Variants in GPR161 observed in about 807,000 individuals in gnomAD.
GPR161 encodes G-protein coupled receptor RE2.
GPR161 carries 25 observed loss-of-function variants against 39.2 expected under a neutral mutation model. The observed-to-expected ratio is 0.64, with a 90% CI of 0.47 to 0.89. The LOEUF (loss-of-function observed/expected upper bound fraction) is 0.89, where lower values mean the gene tolerates loss of function less well. GPR161 is among the 40% of genes least tolerant of loss of function. The probability of loss-of-function intolerance (pLI) is 0.00; values close to 1 mark genes in which losing one functional copy is unlikely to be tolerated. For synonymous variants in GPR161, 286 were observed against 276.6 expected, an observed-to-expected ratio of 1.03 and a Z score of -0.34; for missense variants, 547 against 677.8, an observed-to-expected ratio of 0.81 and a Z score of 2.14.
At position 168,081,138 on chromosome 1, in the gene GPR161, A is replaced by G. The variant is rs531899551; in HGVS notation, c.*4393T>C. 2.0e-4 allele frequency: 30 copies of G among 152,386 alleles called. No individual in the cohort carries two copies. The highest frequency in any genetic ancestry group is 6.3e-4 in the African/African-American group (26 of 41,544). The allele number at this position is 152,386 out of a possible 1,614,324, so 9.4% of individuals were successfully genotyped here. Reference sequence around the variant, plus strand: ...CTCGACCCCCCAAAGTGCTGGGATTACAGGCGTGAGCTACCACGCCCGGCT... The same window carrying G: ...CTCGACCCCCCAAAGTGCTGGGATTGCAGGCGTGAGCTACCACGCCCGGCT... On this transcript the variant is annotated 3_prime_UTR_variant, in exon 6 of 6. Coordinates refer to ENST00000682931, the MANE Select transcript of GPR161 (RefSeq NM_001375883.1).
At chr1:168,096,462 G>A (rs753193724) in intron 3 of GPR161, 46 bp downstream of exon 3, 1 of 1,577,140 alleles carries the variant, frequency 6.3e-7, no homozygotes, top group Non-Finnish European at 8.6e-7. Context: ...GAGGACCACA[G>A]ATTTCATCTG....
Position 168,082,419 on chromosome 1 carries a change from G to A in GPR161, c.*3112C>T, listed in dbSNP as rs1694143745. On this transcript the variant is annotated 3_prime_UTR_variant, in exon 6 of 6. Transcript: ENST00000682931. Reference sequence around the variant, plus strand: ...TCAGGTTCATCCTTGGCTCTGCACAGCCACACCGCTGCCACCTAGTGTCTA... The same window carrying A: ...TCAGGTTCATCCTTGGCTCTGCACAACCACACCGCTGCCACCTAGTGTCTA... The A allele has an allele frequency of 6.6e-6, 1 of 152,310 alleles. No homozygotes were observed. Among genetic ancestry groups the A allele is most frequent in the East Asian group, 1.9e-4 (1 of 5,192 alleles). The allele number at this position is 152,310 out of a possible 1,614,324, so 9.4% of individuals were successfully genotyped here.
chr1:168,103,821 C>T (rs1696334366), intron 2 of GPR161, among the ~76,000 whole-genome samples: 1 of 152,206 alleles, frequency 6.6e-6, no homozygotes. Context: ...GTGGGAAACT[C>T]GCTGCCAAAG....
intron 1 of GPR161, chr1:168,136,485 A>C: frequency 7.9e-6 from 10 of 1,262,768 alleles, no homozygotes; most frequent in Non-Finnish European, 1.0e-5. Flanking sequence ...CAGAAGCCCC[A>C]GGCCGCAGGG....
In GPR161 at chr1:168,136,036, C is replaced by G. The variant is rs541236182; in HGVS notation, c.-45+703G>C. On this transcript the variant is annotated intron_variant, in intron 1 of 5. Transcript: ENST00000682931. ...CAACAGACGTTCTCATCCCATATGC[C>G]TTTGTCCAAAGGTTGCACGGGGGTT... 91 of 1,241,408 alleles carry G rather than the reference C, an allele frequency of 7.3e-5. No individual in the cohort carries two copies. In the East Asian group the frequency reaches 2.8e-3, roughly 38 times the overall value. The allele number at this position is 1,241,408 out of a possible 1,614,324, so 76.9% of individuals were successfully genotyped here. A position where few individuals can be genotyped will look rare whatever the true frequency, so the allele number is the denominator to read the frequency against.
intron 3 of GPR161, among the ~76,000 whole-genome samples, chr1:168,095,103 CA>C (rs1695404621): frequency 6.6e-6 from 1 of 152,020 alleles, no homozygotes; most frequent in African/African-American, 2.4e-5. Context: ...GCATTTTTGC[CA>C]AAAATGGATA....
chr1:168,087,649 G>A lies in GPR161; in HGVS notation c.1260C>T (p.His420=), dbSNP rs1221380530. ...DYTSDDNPPS[H]CTCPPKRRSS... Reference sequence around the variant, plus strand: ...TCCTTCTCTTGGGTGGGCAAGTGCAGTGAGAGGGAGGGTTGTCATCAGACG... The same window carrying A: ...TCCTTCTCTTGGGTGGGCAAGTGCAATGAGAGGGAGGGTTGTCATCAGACG... The change falls in exon 5 of 6, where the codon CAC becomes CAT. Residue 420 remains histidine, a synonymous_variant. Transcript: ENST00000682931. The A allele has an allele frequency of 6.8e-6, 11 of 1,613,992 alleles. No individual in the cohort carries two copies. The highest frequency in any genetic ancestry group is 9.3e-6 in the Non-Finnish European group (11 of 1,179,858).
intron 1 of GPR161, among the ~76,000 whole-genome samples, chr1:168,124,977 T>C (rs1375122998): frequency 6.6e-6 from 1 of 152,220 alleles, no homozygotes; most frequent in African/African-American, 2.4e-5. Flanking sequence ...TTCTTTTCCT[T>C]ATAAATTACC....
At chr1:168,136,181 C>G in intron 1 of GPR161, 1 of 1,271,386 alleles carries the variant, frequency 7.9e-7, no homozygotes, top group Non-Finnish European at 9.9e-7. Flanking sequence ...CGGGCCACTT[C>G]TGGGCGCGCC....
rs935433455 is a variant in GPR161 at position 168,098,435 on chromosome 1, T to C, written c.375-1203A>G. On this transcript the variant is annotated intron_variant, in intron 2 of 5. Transcript: ENST00000682931. This position sits in a 1 kb window ranked among gnomAD's most constrained non-coding sequence, Gnocchi z 4.1. ...ACCCCGACATTTTATCCAAGGGAAA[T>C]AGGATGTTCCCATGAGGGCAACATG... Among the ~76,000 whole-genome samples, 8 of 152,106 alleles carry C rather than the reference T, an allele frequency of 5.3e-5. No homozygotes were observed. The highest frequency in any genetic ancestry group is 2.0e-4 in the Admixed American group (3 of 15,274).
At chr1:168,104,449 C>G (rs759473012) in intron 2 of GPR161, 28 bp downstream of exon 2, 1 of 1,589,824 alleles carries the variant, frequency 6.3e-7, no homozygotes, top group African/African-American at 1.3e-5. Flanking sequence ...AGTAATCCCT[C>G]AATTCTCTAA....
At chr1:168,126,408 T>C (rs1423468315) in intron 1 of GPR161, among the ~76,000 whole-genome samples, 2 of 152,224 alleles carry the variant, frequency 1.3e-5, no homozygotes, top group Non-Finnish European at 2.9e-5. Flanking sequence ...TTTTATATTT[T>C]AGTTGTCCTT....
intron 1 of GPR161, among the ~76,000 whole-genome samples, chr1:168,110,474 A>T (rs1278589800): frequency 3.4e-5 from 5 of 148,360 alleles, no homozygotes; most frequent in African/African-American, 1.0e-4. Context: ...ACTCCAGCCT[A>T]GACGACAGAG....
chr1:168,110,582 GAAA>G (rs1263305300), intron 1 of GPR161, among the ~76,000 whole-genome samples: 1 of 107,344 alleles, frequency 9.3e-6, no homozygotes, highest in African/African-American at 4.8e-5. Flanking sequence ...GAAAAGAAAA[GAAA>G]AGAAAAGAAA....
intron 1 of GPR161, among the ~76,000 whole-genome samples, chr1:168,128,099 G>A (rs549698023): frequency 5.3e-5 from 8 of 152,282 alleles, no homozygotes; most frequent in South Asian, 2.1e-4. Context: ...ACCTCCACCT[G>A]TAACTGTGGG....
At chr1:168,091,325 C>A (rs929032746) in intron 3 of GPR161, among the ~76,000 whole-genome samples, 1 of 152,178 alleles carries the variant, frequency 6.6e-6, no homozygotes, top group South Asian at 2.1e-4. Flanking sequence ...CGGGCACAGC[C>A]GCGGCAGAAG....
chr1:168,114,661 T>A (rs1042180830), intron 1 of GPR161: 2 of 152,196 alleles, frequency 1.3e-5, no homozygotes, highest in Admixed American at 1.3e-4. Context: ...TTGCCTTCTG[T>A]GTCCTTGTCT....
intron 1 of GPR161, among the ~76,000 whole-genome samples, chr1:168,105,331 G>A (rs1444829132): frequency 2.6e-5 from 4 of 152,180 alleles, no homozygotes; most frequent in Non-Finnish European, 5.9e-5. Flanking sequence ...GTCTATGGGA[G>A]ACACTCTGCA....
At chr1:168,094,576 C>T (rs1695352620) in intron 3 of GPR161, among the ~76,000 whole-genome samples, 1 of 152,220 alleles carries the variant, frequency 6.6e-6, no homozygotes, top group African/African-American at 2.4e-5. Context: ...CTCCTGTCAT[C>T]ATTGCCACTG....
Sources: allele counts gnomAD v4.1 joint callset (sites outside exome capture counted in the v4.1 genomes callset), GRCh38; gene constraint gnomAD v4.1.1; non-coding constraint Gnocchi (gnomAD v3.1); transcripts MANE v1.5; gene names NCBI Gene and HGNC (gene_info 2026-07-23, HGNC 2026-07-21).